The following GABRA4 variants were observed in gnomAD, a reference collection of about 807,000 sequenced individuals.
GABRA4 encodes the protein gamma-aminobutyric acid type A receptor subunit alpha4, also known as gamma-aminobutyric acid receptor subunit alpha-4.
A neutral mutation model predicts 49.7 loss-of-function variants in GABRA4; 12 were observed. The ratio of observed to expected loss-of-function variants is 0.24; its 90% CI spans 0.15 to 0.39. The LOEUF is 0.39. Among genes scored for constraint, GABRA4 ranks in the 10% least tolerant of loss-of-function variants. The probability of loss-of-function intolerance (pLI) is 1.00; values close to 1 mark genes in which losing one functional copy is unlikely to be tolerated. For synonymous variants in GABRA4, 288 were observed against 240.2 expected (o/e 1.20, Z -1.84); for missense variants, 506 against 686.0 (o/e 0.74, Z 2.93).
At chr4:46,980,527 C>A (rs1275439108) in intron 2 of GABRA4, among the ~76,000 whole-genome samples, 2 of 151,980 alleles carry the variant, frequency 1.3e-5, no homozygotes, top group Admixed American at 6.6e-5. Flanking sequence ...TGAGAAAATT[C>A]TTTACTGAAT....
At chr4:46,931,367 A>C (rs1447485269) in intron 8 of GABRA4, among the ~76,000 whole-genome samples, 1 of 152,132 alleles carries the variant, frequency 6.6e-6, no homozygotes, top group Non-Finnish European at 1.5e-5. Flanking sequence ...GAGCAAGAGT[A>C]GGAAGGATCA....
intron 8 of GABRA4, among the ~76,000 whole-genome samples, chr4:46,943,897 G>A (rs1043607516): frequency 1.3e-5 from 2 of 151,892 alleles, no homozygotes; most frequent in Middle Eastern, 3.2e-3. Flanking sequence ...GGGCTTTTAG[G>A]GTATCCATCT....
At chr4:46,977,745 T>G in intron 3 of GABRA4, 115 bp from the exon 4 acceptor site, 1 of 652,966 alleles carries the variant, frequency 1.5e-6, no homozygotes, top group Non-Finnish European at 2.6e-6. Context: ...CCACTCCAAA[T>G]AAAATTAATA....
Position 46,922,494 on chromosome 4 carries a change from A to G in GABRA4, c.*5731T>C, listed in dbSNP as rs1303655386. On this transcript the variant is annotated 3_prime_UTR_variant, in exon 9 of 9. Transcript: ENST00000264318. ...TAAAACCTCAATGAAAAAGCAGATG[A>G]AGCTCACGCCAGATAAAAACTTTTT... 6.6e-6 allele frequency: 1 copy of G among 152,150 alleles called. No individual in the cohort carries two copies. The highest frequency in any genetic ancestry group is 1.5e-5 in the Non-Finnish European group (1 of 68,032). 9.4% of individuals were successfully genotyped at this position (152,150 alleles called of 1,614,324 possible). A position where few individuals can be genotyped will look rare whatever the true frequency, so the allele number is the denominator to read the frequency against.
At chr4:46,943,730 G>A (rs1721892019) in intron 8 of GABRA4, among the ~76,000 whole-genome samples, 1 of 152,054 alleles carries the variant, frequency 6.6e-6, no homozygotes, top group African/African-American at 2.4e-5. Flanking sequence ...ACTCCACATA[G>A]GCTGGTAACT....
intron 2 of GABRA4, among the ~76,000 whole-genome samples, chr4:46,987,906 A>C (rs895404776): frequency 6.6e-6 from 1 of 152,104 alleles, no homozygotes; most frequent in Non-Finnish European, 1.5e-5. Context: ...TAAGAGAATA[A>C]GTTATGCTCT....
At chr4:46,990,826 A>C (rs964622671) in intron 2 of GABRA4, among the ~76,000 whole-genome samples, 1 of 152,180 alleles carries the variant, frequency 6.6e-6, no homozygotes, top group African/African-American at 2.4e-5. Flanking sequence ...CTATCCCTGG[A>C]GAGGCAACAT....
Position 46,979,103 on chromosome 4 carries a change from C to G in GABRA4, c.206-5G>C, listed in dbSNP as rs772703545. On this transcript the variant is annotated splice_region_variant and splice_polypyrimidine_tract_variant and intron_variant, in intron 2 of 8. Transcript: ENST00000264318. Reference sequence around the variant, plus strand: ...TTTTCACTTCTGTAACAGGACCTAACGGGTATGAAGTAAATAAGTGTGAAA... The same window carrying G: ...TTTTCACTTCTGTAACAGGACCTAAGGGGTATGAAGTAAATAAGTGTGAAA... The G allele has an allele frequency of 9.4e-6, 15 of 1,589,792 alleles. No homozygotes were observed. The highest frequency in any genetic ancestry group is 1.3e-5 in the Non-Finnish European group (15 of 1,159,142).
intron 8 of GABRA4, among the ~76,000 whole-genome samples, chr4:46,949,607 A>C (rs879496758): frequency 2.0e-5 from 3 of 152,142 alleles, no homozygotes; most frequent in Non-Finnish European, 2.9e-5. Context: ...ATTTCATTGA[A>C]AAAATGTTTT....
chr4:46,988,255 A>T, intron 2 of GABRA4, among the ~76,000 whole-genome samples: 1 of 151,858 alleles, frequency 6.6e-6, no homozygotes, highest in Admixed American at 6.6e-5. Context: ...TAATTATTTT[A>T]TTATTTCTTT....
chr4:46,970,366 GA>G (rs1722907980), intron 7 of GABRA4, among the ~76,000 whole-genome samples: 2 of 151,298 alleles, frequency 1.3e-5, no homozygotes, highest in South Asian at 2.1e-4. Context: ...ACAATGAACA[GA>G]AAAAGAATAG....
intron 8 of GABRA4, among the ~76,000 whole-genome samples, chr4:46,945,193 T>C (rs1344540754): frequency 6.6e-6 from 1 of 152,108 alleles, no homozygotes; most frequent in Non-Finnish European, 1.5e-5. Flanking sequence ...ATGGACTGTT[T>C]AATGAGTCAG....
Position 46,946,659 on chromosome 4 carries a change from C to G in GABRA4, c.1135-17904G>C, listed in dbSNP as rs116597190. On this transcript the variant is annotated intron_variant, in intron 8 of 8. Transcript: ENST00000264318. Reference sequence around the variant, plus strand: ...AGGATGATTATAAGACATAAGGAGTCTATACAGCCTTGATACCTAGTACAA... The same window carrying G: ...AGGATGATTATAAGACATAAGGAGTGTATACAGCCTTGATACCTAGTACAA... 5.3e-5 allele frequency among the ~76,000 whole-genome samples: 8 copies of G among 152,222 alleles called. 2 individuals carry two copies. Among genetic ancestry groups the G allele is most frequent in the Admixed American group, 1.3e-4 (2 of 15,268 alleles).
intron 8 of GABRA4, among the ~76,000 whole-genome samples, chr4:46,946,109 T>C (rs1208713430): frequency 6.6e-6 from 1 of 152,166 alleles, no homozygotes; most frequent in East Asian, 1.9e-4. Flanking sequence ...CTGGTGATCC[T>C]GGCAAGACTG....
chr4:46,968,067 G>C (rs1291661896), intron 7 of GABRA4, among the ~76,000 whole-genome samples: 2 of 151,420 alleles, frequency 1.3e-5, no homozygotes, highest in East Asian at 3.9e-4. Flanking sequence ...AGTCTCTAAT[G>C]ATGTCTCTGA....
chr4:46,935,327 G>T (rs1330546929), intron 8 of GABRA4, among the ~76,000 whole-genome samples: 1 of 152,132 alleles, frequency 6.6e-6, no homozygotes, highest in Non-Finnish European at 1.5e-5. Context: ...GAGTAATAAT[G>T]CTGCCTTCCT....
intron 8 of GABRA4, among the ~76,000 whole-genome samples, chr4:46,931,311 A>G (rs1296486744): frequency 6.6e-6 from 1 of 152,126 alleles, no homozygotes; most frequent in Non-Finnish European, 1.5e-5. Context: ...ATAGTATAGT[A>G]TAAATAGCCT....
rs888697549 is a variant in GABRA4 at position 46,922,513 on chromosome 4, A to T, written c.*5712T>A. On this transcript the variant is annotated 3_prime_UTR_variant, in exon 9 of 9. Coordinates refer to ENST00000264318, the MANE Select transcript of GABRA4 (RefSeq NM_000809.4). ...CAGATGAAGCTCACGCCAGATAAAA[A>T]CTTTTTCAAGAAATAGAGGAAGAGT... 7 of 152,116 alleles carry T rather than the reference A, an allele frequency of 4.6e-5. No homozygotes were observed. Among genetic ancestry groups the T allele is most frequent in the African/African-American group, 1.7e-4 (7 of 41,444 alleles). 9.4% of individuals were successfully genotyped at this position (152,116 alleles called of 1,614,324 possible). A position where few individuals can be genotyped will look rare whatever the true frequency, so the allele number is the denominator to read the frequency against.
chr4:46,955,199 A>G (rs1696561269), intron 8 of GABRA4, among the ~76,000 whole-genome samples: 1 of 152,124 alleles, frequency 6.6e-6, no homozygotes, highest in African/African-American at 2.4e-5. Context: ...TTTATACCAC[A>G]TAACACACAT....
Sources: allele counts gnomAD v4.1 joint callset (sites outside exome capture counted in the v4.1 genomes callset), GRCh38; gene constraint gnomAD v4.1.1; transcripts MANE v1.5; gene names NCBI Gene and HGNC (gene_info 2026-07-23, HGNC 2026-07-21).